Variants in NCOA3 observed in about 807,000 individuals in gnomAD.
The protein encoded by NCOA3 is CBP-interacting protein.
In NCOA3, 51 loss-of-function variants were observed where a neutral mutation model predicts 158.8. The observed-to-expected ratio is 0.32, with a 90% CI of 0.26 to 0.41. The LOEUF (loss-of-function observed/expected upper bound fraction) is 0.41. Ranked by LOEUF, NCOA3 falls within the 10% of genes least tolerant of loss-of-function variation. The probability of loss-of-function intolerance (pLI) is 1.00; values close to 1 mark genes in which losing one functional copy is unlikely to be tolerated. For missense variants in NCOA3, 1,510 were observed against 1,746.6 expected (o/e 0.86, Z 2.41); for synonymous variants, 537 against 592.4 (o/e 0.91, Z 1.36).
chr20:47,634,164 C>T lies in NCOA3; in HGVS notation c.1081C>T (p.His361Tyr), dbSNP rs1197710966. The T allele has an allele frequency of 1.2e-6, 2 of 1,613,982 alleles. No homozygotes were observed. The highest frequency in any genetic ancestry group is 8.5e-7 in the Non-Finnish European group (1 of 1,180,022). The change falls in exon 10 of 23, where the codon CAT becomes TAT. Residue 361 changes from histidine (H) to tyrosine (Y), a missense_variant. This residue lies in a region of NCOA3 where 1,017 missense variants were observed against 1,098.3 expected (regional missense o/e 0.93). Coordinates refer to ENST00000371998, the MANE Select transcript of NCOA3 (RefSeq NM_181659.3). ...LFRNPVTNDR[H>Y]GFVSTHFLQR... is the part of the protein sequence containing the mutation. The stretch of plus-strand genomic sequence containing the variant: ...CCGAAATCCTGTAACAAATGATCGA[C>T]ATGGCTTTGTCTCAACCCACTTCCT...
chr20:47,560,138 G>C (rs1256773401), intron 1 of NCOA3, among the ~76,000 whole-genome samples: 5 of 152,064 alleles, frequency 3.3e-5, no homozygotes, highest in African/African-American at 1.2e-4. Context: ...AGAGTGCTGT[G>C]GCACAATCTT....
At chr20:47,549,319 T>A (rs1309958768) in intron 1 of NCOA3, among the ~76,000 whole-genome samples, 5 of 151,590 alleles carry the variant, frequency 3.3e-5, no homozygotes, top group African/African-American at 1.2e-4. Context: ...CCCAGGAGTT[T>A]GAGGCCAGCC....
chr20:47,530,626 C>T (rs960548940), intron 1 of NCOA3, among the ~76,000 whole-genome samples: 6 of 151,928 alleles, frequency 3.9e-5, no homozygotes, highest in Admixed American at 6.6e-5. Context: ...CCATGCCTGG[C>T]GAATTTTTGT....
intron 18 of NCOA3, among the ~76,000 whole-genome samples, chr20:47,647,919 GTT>G (rs34097290): frequency 0.044 from 4,532 of 103,326 alleles, 121 homozygotes; most frequent in Middle Eastern, 0.12. Context: ...GTTTTGTTTT[GTT>G]TTTTTTTTTT....
At chr20:47,533,959 A>G (rs1602360237) in intron 1 of NCOA3, among the ~76,000 whole-genome samples, 1 of 152,062 alleles carries the variant, frequency 6.6e-6, no homozygotes, top group Admixed American at 6.6e-5. Context: ...ACAAAACACA[A>G]AAAACCCAGG....
intron 8 of NCOA3, among the ~76,000 whole-genome samples, chr20:47,631,987 A>C (rs1419410462): frequency 6.6e-6 from 1 of 152,154 alleles, no homozygotes; most frequent in Non-Finnish European, 1.5e-5. Context: ...CTACAATTTT[A>C]GTTTGGACAG....
chr20:47,548,645 T>G (rs1287693172), intron 1 of NCOA3, among the ~76,000 whole-genome samples: 1 of 152,250 alleles, frequency 6.6e-6, no homozygotes, highest in Non-Finnish European at 1.5e-5. Context: ...TCGATAGACA[T>G]TAACATGCAA....
chr20:47,642,392 G>T lies in NCOA3; in HGVS notation c.3252+8G>T. On this transcript the variant is annotated splice_region_variant and intron_variant, in intron 17 of 22. Transcript: ENST00000371998. ...CCTGAACTTGTCAATCAGGTAGGTT[G>T]CATTAACATGGAAGTAGGAGAGTGT... 6.3e-7 allele frequency: 1 copy of T among 1,584,922 alleles called. No homozygotes were observed. Among genetic ancestry groups the T allele is most frequent in the Non-Finnish European group, 8.6e-7 (1 of 1,168,574 alleles).
chr20:47,567,376 T>G (rs1393378573), intron 1 of NCOA3, among the ~76,000 whole-genome samples: 1 of 151,642 alleles, frequency 6.6e-6, no homozygotes, highest in Non-Finnish European at 1.5e-5. Context: ...TAACATAAAA[T>G]ATTTGAGTAC....
At chr20:47,648,096 G>C (rs2086721710) in intron 18 of NCOA3, among the ~76,000 whole-genome samples, 1 of 151,776 alleles carries the variant, frequency 6.6e-6, no homozygotes, top group Non-Finnish European at 1.5e-5. Context: ...GTAGAGACAG[G>C]GTTTCACCAT....
At chr20:47,636,879 C>T (rs1057305037) in intron 12 of NCOA3, 117 bp downstream of exon 12, 2 of 916,866 alleles carry the variant, frequency 2.2e-6, no homozygotes, top group South Asian at 2.2e-5. Flanking sequence ...CTTTAGCTCT[C>T]ATTTCTTTAT....
In NCOA3 at chr20:47,605,867, G is replaced by T. The variant is rs1006715774; in HGVS notation, c.-19-16362G>T. Among the ~76,000 whole-genome samples, 4 of 152,298 alleles carry T rather than the reference G, an allele frequency of 2.6e-5. No homozygotes were observed. The South Asian group carries it at 8.3e-4, about 32-fold the overall frequency. Reference sequence around the variant, plus strand: ...TGTTGATTGATAGCAGCATTTCTCTGTTATCCTTTCAGGAAGTCTCCATGT... The same window carrying T: ...TGTTGATTGATAGCAGCATTTCTCTTTTATCCTTTCAGGAAGTCTCCATGT... On this transcript the variant is annotated intron_variant, in intron 2 of 22. Coordinates refer to ENST00000371998, the MANE Select transcript of NCOA3 (RefSeq NM_181659.3).
chr20:47,529,085 C>G (rs1023287060), intron 1 of NCOA3, among the ~76,000 whole-genome samples: 1 of 150,058 alleles, frequency 6.7e-6, no homozygotes, highest in Non-Finnish European at 1.5e-5. Context: ...TTTTTTCTTA[C>G]TCAGGGTGAT....
chr20:47,572,072 A>G (rs1226391524), intron 1 of NCOA3, among the ~76,000 whole-genome samples: 1 of 152,114 alleles, frequency 6.6e-6, no homozygotes, highest in Non-Finnish European at 1.5e-5. Context: ...CTTAAACCTC[A>G]TGAAGCAACC....
intron 19 of NCOA3, among the ~76,000 whole-genome samples, chr20:47,649,716 G>A (rs1408109340): frequency 3.3e-5 from 5 of 152,038 alleles, no homozygotes; most frequent in Non-Finnish European, 7.4e-5. Flanking sequence ...TGAAATGCTC[G>A]ATTTTTATTG....
chr20:47,531,878 C>T (rs528272486), intron 1 of NCOA3, among the ~76,000 whole-genome samples: 3 of 152,222 alleles, frequency 2.0e-5, no homozygotes, highest in Admixed American at 6.5e-5. Flanking sequence ...TTCTTTACTG[C>T]GTGTGTTCTC....
In NCOA3 at chr20:47,613,334, C is replaced by CT. The variant is rs11475079; in HGVS notation, c.-19-8880dup. Reference sequence around the variant, plus strand: ...ATTCATTGTGTTCAAACGATTCCTTCTTTTTTTTTTTTTTTAACACTTACC... The same window carrying CT: ...ATTCATTGTGTTCAAACGATTCCTTCTTTTTTTTTTTTTTTTAACACTTACC... On this transcript the variant is annotated intron_variant, in intron 2 of 22. Transcript: ENST00000371998. Among the ~76,000 whole-genome samples the CT allele has an allele frequency of 6.7e-3, 916 of 136,898 alleles. 5 individuals are homozygous for CT. Among genetic ancestry groups the CT allele is most frequent in the African/African-American group, 0.012 (437 of 37,982 alleles). The allele number at this position is 136,898 out of a possible 152,430, so 89.8% of individuals were successfully genotyped here. A position where few individuals can be genotyped will look rare whatever the true frequency, so the allele number is the denominator to read the frequency against.
At chr20:47,554,210 T>C (rs200627574) in intron 1 of NCOA3, among the ~76,000 whole-genome samples, 19,375 of 152,068 alleles carry the variant, frequency 0.13, 1,681 homozygotes, top group African/African-American at 0.24. Flanking sequence ...TTGAGAAGTG[T>C]CTGTTTATAT....
At chr20:47,519,842 A>G (rs1602334675) in intron 1 of NCOA3, among the ~76,000 whole-genome samples, 1 of 151,824 alleles carries the variant, frequency 6.6e-6, no homozygotes, top group African/African-American at 2.4e-5. Context: ...GCTCACTGCA[A>G]CCTCTGCCTC....
Sources: allele counts gnomAD v4.1 joint callset (sites outside exome capture counted in the v4.1 genomes callset), GRCh38; gene constraint gnomAD v4.1.1; regional missense constraint gnomAD v4.1.1; transcripts MANE v1.5; gene names NCBI Gene and HGNC (gene_info 2026-07-23, HGNC 2026-07-21).